FBXO25: variants seen among roughly 807,000 people sequenced by gnomAD.
The protein encoded by FBXO25 is F-box protein 25.
FBXO25 carries 45 observed loss-of-function variants against 51.9 expected under a neutral mutation model. The ratio of observed to expected loss-of-function variants is 0.87; its 90% CI spans 0.68 to 1.11. The LOEUF (loss-of-function observed/expected upper bound fraction) is 1.11, where lower values mean the gene tolerates loss of function less well. FBXO25 is among the 50% of genes most tolerant of loss of function. The pLI is 0.00. For missense variants in FBXO25, 507 were observed against 428.5 expected, an observed-to-expected ratio of 1.18 and a Z score of -1.62; for synonymous variants, 199 against 151.0, an observed-to-expected ratio of 1.32 and a Z score of -2.33.
At chr8:423,242 G>C (rs1585020026) in intron 2 of FBXO25, among the ~76,000 whole-genome samples, 1 of 152,172 alleles carries the variant, frequency 6.6e-6, no homozygotes, top group Admixed American at 6.5e-5. Context: ...GCTGGGGCTA[G>C]AGTCTTCACC....
chr8:433,591 TA>T (rs775295220), intron 4 of FBXO25, among the ~76,000 whole-genome samples: 17 of 152,330 alleles, frequency 1.1e-4, no homozygotes, highest in African/African-American at 3.6e-4. Context: ...TCATGAGCCA[TA>T]AAACAAACGA....
intron 2 of FBXO25, among the ~76,000 whole-genome samples, chr8:427,287 G>T (rs1360406048): frequency 6.6e-6 from 1 of 151,930 alleles, no homozygotes; most frequent in African/African-American, 2.4e-5. Flanking sequence ...GGAAATGTCA[G>T]AGGAGGCCAG....
intron 9 of FBXO25, among the ~76,000 whole-genome samples, chr8:464,179 C>G (rs1397715235): frequency 6.6e-6 from 1 of 152,176 alleles, no homozygotes; most frequent in Admixed American, 6.5e-5. Flanking sequence ...TCTCAAAACT[C>G]CCAAGCTCAA....
At chr8:444,782 A>C (rs1208993684) in intron 5 of FBXO25, among the ~76,000 whole-genome samples, 2 of 152,218 alleles carry the variant, frequency 1.3e-5, no homozygotes, top group Non-Finnish European at 2.9e-5. Context: ...ATTTAGATAT[A>C]CAGATACTTG....
chr8:471,791 C>T lies in FBXO25; in HGVS notation c.*2987C>T, dbSNP rs568839751. On this transcript the variant is annotated 3_prime_UTR_variant, in exon 10 of 10. Transcript: ENST00000350302. The stretch of plus-strand genomic sequence containing the variant: ...CAGGAGCAGACCGATTTGTAGCTGT[C>T]GTGGTTTACTGCATGACGTACAGGC... The T allele has an allele frequency of 4.6e-5, 7 of 152,332 alleles. No individual in the cohort carries two copies. Among genetic ancestry groups the T allele is most frequent in the African/African-American group, 7.2e-5 (3 of 41,572 alleles). The allele number at this position is 152,332 out of a possible 1,614,324, so 9.4% of individuals were successfully genotyped here. A position where few individuals can be genotyped will look rare whatever the true frequency, so the allele number is the denominator to read the frequency against.
chr8:476,183 G>A lies in FBXO25; in HGVS notation c.*7379G>A, dbSNP rs1157658546. On this transcript the variant is annotated 3_prime_UTR_variant, in exon 10 of 10. Transcript: ENST00000350302. ...ACATTACATTTATTGACTTGAGCATGTTGAAACATCTTTGCATACCAGCTG... is the reference window on the plus strand; with the variant it reads ...ACATTACATTTATTGACTTGAGCATATTGAAACATCTTTGCATACCAGCTG... 2 of 152,032 alleles carry A rather than the reference G, an allele frequency of 1.3e-5. No homozygotes were observed. The highest frequency in any genetic ancestry group is 2.4e-5 in the African/African-American group (1 of 41,382). The allele number at this position is 152,032 out of a possible 1,614,324, so 9.4% of individuals were successfully genotyped here.
intron 5 of FBXO25, among the ~76,000 whole-genome samples, chr8:438,367 T>C (rs1241112646): frequency 6.6e-6 from 1 of 152,232 alleles, no homozygotes; most frequent in Admixed American, 6.5e-5. Context: ...CCTGTATCTT[T>C]CAACTAATGT....
intron 7 of FBXO25, among the ~76,000 whole-genome samples, chr8:453,991 G>A (rs1799260022): frequency 6.6e-6 from 1 of 152,120 alleles, no homozygotes; most frequent in Non-Finnish European, 1.5e-5. Flanking sequence ...AGGTGTGGTG[G>A]CAGGTACCTG....
At chr8:450,169 C>A in intron 6 of FBXO25, 86 bp downstream of exon 6, 2 of 887,764 alleles carry the variant, frequency 2.3e-6, no homozygotes, top group Non-Finnish European at 3.6e-6. Context: ...TATCTTTACC[C>A]AGTACACATA....
intron 3 of FBXO25, among the ~76,000 whole-genome samples, chr8:431,917 T>C (rs544054223): frequency 6.6e-6 from 1 of 152,190 alleles, no homozygotes; most frequent in African/African-American, 2.4e-5. Context: ...CACATGTTAA[T>C]GTATAGTAGG....
chr8:429,018 C>G (rs1797660651), intron 2 of FBXO25, among the ~76,000 whole-genome samples: 1 of 152,174 alleles, frequency 6.6e-6, no homozygotes, highest in Non-Finnish European at 1.5e-5. Context: ...ACAAGTATCT[C>G]TTTCATTCTC....
At chr8:418,333 C>CTTTTTTTTTTTTTTTTTTTTTTTT (rs1207244013) in intron 2 of FBXO25, among the ~76,000 whole-genome samples, 51 of 72,336 alleles carry the variant, frequency 7.1e-4, no homozygotes, top group South Asian at 1.8e-3. Context: ...TTTGTTTGTT[C>CTTTTTTTTTTTTTTTTTTTTTTTT]TTTTTTTTTT....
rs147533889 is a variant in FBXO25, at chr8:435,652, G to A, written c.326G>A (p.Arg109Gln). Residue 109 changes from arginine to glutamine, a missense_variant, in exon 5 of 10, where the codon CGG becomes CAG. Arg to Gln is a conservative substitution (Grantham distance 43, BLOSUM62 1). Transcript: ENST00000350302. ...TGCACCTTGGGAGAAGCCTTTAATC[G>A]GTTAGACTTCTCAAGTGCAATTCAA... ...GYCTLGEAFNRLDFSSAIQDI... is the reference protein window; with the variant it reads ...GYCTLGEAFNQLDFSSAIQDI... 1.3e-4 allele frequency: 208 copies of A among 1,605,906 alleles called. 2 individuals are homozygous for A. The highest frequency in any genetic ancestry group is 1.8e-4 in the East Asian group (8 of 44,786).
At chr8:454,317 T>G (rs1037921188) in intron 7 of FBXO25, among the ~76,000 whole-genome samples, 2 of 152,254 alleles carry the variant, frequency 1.3e-5, no homozygotes, top group East Asian at 3.8e-4. Context: ...AGTGCTTTCA[T>G]GTGCACATCT....
intron 2 of FBXO25, among the ~76,000 whole-genome samples, chr8:427,846 G>A (rs7813883): frequency 1.4e-5 from 2 of 147,004 alleles, no homozygotes; most frequent in East Asian, 1.9e-4. Flanking sequence ...GAGGCTTACC[G>A]TAGCCTGTCT....
At position 471,043 on chromosome 8, in the gene FBXO25, A is replaced by G. The variant is rs1352380047; in HGVS notation, c.*2239A>G. 6.6e-6 allele frequency: 1 copy of G among 152,188 alleles called. No individual in the cohort carries two copies. Among genetic ancestry groups the G allele is most frequent in the Non-Finnish European group, 1.5e-5 (1 of 68,046 alleles). The allele number at this position is 152,188 out of a possible 1,614,324, so 9.4% of individuals were successfully genotyped here. A position where few individuals can be genotyped will look rare whatever the true frequency, so the allele number is the denominator to read the frequency against. Reference sequence around the variant, plus strand: ...ATAACAGTTCTCAGCTGTGCTATCAAATCACAGATGTGCATTTAACTTGTA... The same window carrying G: ...ATAACAGTTCTCAGCTGTGCTATCAGATCACAGATGTGCATTTAACTTGTA... On this transcript the variant is annotated 3_prime_UTR_variant, in exon 10 of 10. Transcript: ENST00000350302.
At chr8:421,612 G>C (rs1797162415) in intron 2 of FBXO25, among the ~76,000 whole-genome samples, 1 of 152,170 alleles carries the variant, frequency 6.6e-6, no homozygotes, top group Admixed American at 6.5e-5. Context: ...GGTTTTTTCA[G>C]AGAGAGAGAA....
chr8:445,351 A>C (rs1798673066), intron 5 of FBXO25, among the ~76,000 whole-genome samples: 1 of 152,192 alleles, frequency 6.6e-6, no homozygotes, highest in Non-Finnish European at 1.5e-5. Flanking sequence ...GGAAGACCTT[A>C]TCTCCCAGGG....
At chr8:463,296 G>C (rs1278855467) in intron 9 of FBXO25, 146 bp downstream of exon 9, 1 of 916,450 alleles carries the variant, frequency 1.1e-6, no homozygotes, top group Non-Finnish European at 1.6e-6. Context: ...CAAATATTGG[G>C]GTAGGGGAAC....
Sources: gnomAD v4.1 joint callset for allele counts (sites outside exome capture counted in the v4.1 genomes callset) on GRCh38, gnomAD v4.1.1 for gene constraint, MANE v1.5 for transcripts, NCBI Gene and HGNC (gene_info 2026-07-23, HGNC 2026-07-21) for gene names.